Variants in ZFHX3 observed in about 807,000 individuals in gnomAD.
The protein encoded by ZFHX3 is zinc finger homeobox protein 3.
In ZFHX3, 42 loss-of-function variants were observed where a neutral mutation model predicts 279.1. That is an observed-to-expected ratio of 0.15 (90% confidence interval 0.12 to 0.19). The LOEUF (loss-of-function observed/expected upper bound fraction) is 0.19. Among genes scored for constraint, ZFHX3 ranks in the 10% least tolerant of loss-of-function variants. ZFHX3 has a pLI of 1.00. For missense variants in ZFHX3, 4,981 were observed against 4,754.0 expected (o/e 1.05, Z -1.40); for synonymous variants, 2,293 against 1,957.8 (o/e 1.17, Z -4.52).
At chr16:73,489,104 T>A (rs1170517060) in intron 2 of ZFHX3, among the ~76,000 whole-genome samples, 1 of 152,182 alleles carries the variant, frequency 6.6e-6, no homozygotes. Flanking sequence ...CAAGAAAAAT[T>A]TCATCATCTG....
At chr16:73,064,176 G>T (rs556902676), upstream of ZFHX3, among the ~76,000 whole-genome samples, 6 of 152,254 alleles carry the variant, frequency 3.9e-5, no homozygotes, top group East Asian at 9.7e-4. Flanking sequence ...AGATCCCTGG[G>T]GGGCAGGAGG....
chr16:72,952,843 G>A (rs188207458), intron 2 of ZFHX3, among the ~76,000 whole-genome samples: 2 of 152,110 alleles, frequency 1.3e-5, no homozygotes, highest in African/African-American at 4.8e-5. Flanking sequence ...TCCTAGAAGC[G>A]TACGGTCAAG....
chr16:73,369,316 G>A (rs931990056), intron 3 of ZFHX3, among the ~76,000 whole-genome samples: 1 of 152,152 alleles, frequency 6.6e-6, no homozygotes, highest in Non-Finnish European at 1.5e-5. Flanking sequence ...AGTAAAATGT[G>A]GTGTCCTTGT....
intron 1 of ZFHX3, among the ~76,000 whole-genome samples, chr16:73,000,311 G>T (rs1039287960): frequency 6.6e-6 from 1 of 152,236 alleles, no homozygotes; most frequent in Non-Finnish European, 1.5e-5. Context: ...GCTGATGGGT[G>T]TGAGTGGTGA....
chr16:73,659,246 T>C (rs1416151061), intron 2 of ZFHX3, among the ~76,000 whole-genome samples: 1 of 152,120 alleles, frequency 6.6e-6, no homozygotes, highest in Non-Finnish European at 1.5e-5. Flanking sequence ...AGGCAGGGAT[T>C]CACACAACAT....
At chr16:73,396,360 G>T (rs762916553) in intron 3 of ZFHX3, among the ~76,000 whole-genome samples, 11 of 152,158 alleles carry the variant, frequency 7.2e-5, no homozygotes, top group Non-Finnish European at 1.2e-4. Context: ...ACCTCCTTCT[G>T]CAGCTTTAAT....
intron 3 of ZFHX3, among the ~76,000 whole-genome samples, chr16:72,905,703 G>A (rs901014655): frequency 2.0e-5 from 3 of 152,176 alleles, no homozygotes; most frequent in Non-Finnish European, 4.4e-5. Context: ...AACATAAAAT[G>A]TCCACCCAAG....
At position 73,589,685 on chromosome 16, in the gene ZFHX3, G is replaced by A. The variant is rs796585744; in HGVS notation, c.-1547+90495C>T. Reference sequence around the variant, plus strand: ...ATGGAGCTTGCAGTGAGCCAAGATCGCACCACTGCACTCCATCCAGCCTGG... The same window carrying A: ...ATGGAGCTTGCAGTGAGCCAAGATCACACCACTGCACTCCATCCAGCCTGG... On this transcript the variant is annotated intron_variant, in intron 2 of 17. Coordinates refer to the ZFHX3 transcript ENST00000641206. 1.5e-4 allele frequency among the ~76,000 whole-genome samples: 18 copies of A among 116,316 alleles called. 1 individual carries two copies. Among genetic ancestry groups the A allele is most frequent in the African/African-American group, 4.3e-4 (13 of 30,264 alleles). 76.3% of individuals were successfully genotyped at this position (116,316 alleles called of 152,430 possible). A position where few individuals can be genotyped will look rare whatever the true frequency, so the allele number is the denominator to read the frequency against.
At chr16:73,433,285 T>C (rs776015257) in intron 3 of ZFHX3, among the ~76,000 whole-genome samples, 3 of 152,164 alleles carry the variant, frequency 2.0e-5, no homozygotes, top group Non-Finnish European at 2.9e-5. Flanking sequence ...CCCAGACTTA[T>C]AAAAATAGGA....
chr16:73,321,065 G>A (rs952605275), intron 3 of ZFHX3, among the ~76,000 whole-genome samples: 2 of 152,218 alleles, frequency 1.3e-5, no homozygotes, highest in African/African-American at 4.8e-5. Context: ...AAAGGGGGAA[G>A]GCACAGTGCT....
intron 2 of ZFHX3, among the ~76,000 whole-genome samples, chr16:73,482,248 C>T (rs2018882494): frequency 6.6e-6 from 1 of 152,138 alleles, no homozygotes; most frequent in Non-Finnish European, 1.5e-5. Flanking sequence ...CACCCCAGTC[C>T]CTACTCCTGC....
At chr16:73,828,221 T>G (rs1331071957) in intron 1 of ZFHX3, among the ~76,000 whole-genome samples, 1 of 50,774 alleles carries the variant, frequency 2.0e-5, no homozygotes, top group African/African-American at 9.1e-5. Flanking sequence ...AGACTAGGAT[T>G]GCAACCCCTG....
chr16:73,733,494 A>C (rs1006877530), intron 1 of ZFHX3, among the ~76,000 whole-genome samples: 2 of 152,208 alleles, frequency 1.3e-5, no homozygotes, highest in African/African-American at 2.4e-5. Context: ...ATTGAAGTAC[A>C]AACAATTTGT....
intron 2 of ZFHX3, among the ~76,000 whole-genome samples, chr16:73,482,067 T>C (rs1423083025): frequency 1.3e-5 from 2 of 152,120 alleles, no homozygotes; most frequent in African/African-American, 4.8e-5. Context: ...ATAATATCTA[T>C]TGCCCAGCTT....
At chr16:73,806,454 C>T (rs1181104231) in intron 1 of ZFHX3, among the ~76,000 whole-genome samples, 4 of 152,142 alleles carry the variant, frequency 2.6e-5, no homozygotes, top group East Asian at 1.9e-4. Flanking sequence ...GCTTTAGCTC[C>T]GCTGAATACA....
rs542276666 is a variant in ZFHX3 at position 72,798,764 on chromosome 16, T to C, written c.3968-50A>G. On this transcript the variant is annotated intron_variant, in intron 8 of 9. Coordinates refer to ENST00000268489, the MANE Select transcript of ZFHX3 (RefSeq NM_006885.4). ...AACCCAAAGATAAAGAAGGCTTTGT[T>C]TCAAGGATGGCACCCAGAGCGGTCT... The C allele has an allele frequency of 1.0e-4, 158 of 1,505,816 alleles. 1 individual carries two copies. The highest frequency in any genetic ancestry group is 7.8e-4 in the Middle Eastern group (4 of 5,098). 93.3% of individuals were successfully genotyped at this position (1,505,816 alleles called of 1,614,324 possible).
At position 73,655,108 on chromosome 16, in the gene ZFHX3, G is replaced by A. The variant is rs566917487; in HGVS notation, c.-1547+25072C>T. Among the ~76,000 whole-genome samples, 48 of 152,106 alleles carry A rather than the reference G, an allele frequency of 3.2e-4. No homozygotes were observed. The South Asian group carries it at 5.6e-3, about 18-fold the overall frequency. ...ATTCCTGACCTCAAGTGATCTGCCCGCCTTGCCTTCTGAAAGTGCTGGAAC... is the reference window on the plus strand; with the variant it reads ...ATTCCTGACCTCAAGTGATCTGCCCACCTTGCCTTCTGAAAGTGCTGGAAC... On this transcript the variant is annotated intron_variant, in intron 2 of 17. Transcript: ENST00000641206.
intron 3 of ZFHX3, among the ~76,000 whole-genome samples, chr16:73,430,465 G>A (rs1404092935): frequency 6.6e-6 from 1 of 152,120 alleles, no homozygotes; most frequent in Admixed American, 6.5e-5. Flanking sequence ...ACTGTTCTAG[G>A]TGCTGAGGAC....
chr16:73,170,847 G>C (rs1967504227), intron 5 of ZFHX3, among the ~76,000 whole-genome samples: 2 of 152,126 alleles, frequency 1.3e-5, no homozygotes, highest in Non-Finnish European at 2.9e-5. Flanking sequence ...CCTCCAGGCT[G>C]TATGGGGACA....
Sources: allele counts gnomAD v4.1 joint callset (sites outside exome capture counted in the v4.1 genomes callset), GRCh38; gene constraint gnomAD v4.1.1; transcripts MANE v1.5; gene names NCBI Gene and HGNC (gene_info 2026-07-23, HGNC 2026-07-21).